The following AFF3 variants were observed in gnomAD, a reference collection of about 807,000 sequenced individuals.
The protein encoded by AFF3 is AF4/FMR2 family member 3.
AFF3 carries 32 observed loss-of-function variants against 129.7 expected under a neutral mutation model. The observed-to-expected ratio is 0.25, with a 90% CI of 0.19 to 0.33. The LOEUF (loss-of-function observed/expected upper bound fraction) is 0.33. AFF3 is among the 10% of genes least tolerant of loss of function. The pLI, the probability that AFF3 is intolerant of heterozygous loss-of-function variation, is 1.00. For synonymous variants in AFF3, 644 were observed against 635.4 expected, an observed-to-expected ratio of 1.01 and a Z score of -0.20; for missense variants, 1,373 against 1,592.0, an observed-to-expected ratio of 0.86 and a Z score of 2.34.
chr2:99,947,645 T>TAGACAGACAGACAGAC (rs1462200103), intron 7 of AFF3, among the ~76,000 whole-genome samples: 31 of 134,576 alleles, frequency 2.3e-4, no homozygotes, highest in African/African-American at 4.3e-4. Flanking sequence ...GATAGATAGA[T>TAGACAGACAGACAGAC]AGATAGATAG....
intron 8 of AFF3, among the ~76,000 whole-genome samples, chr2:99,835,910 G>A (rs1346790396): frequency 6.6e-6 from 1 of 152,160 alleles, no homozygotes; most frequent in Admixed American, 6.5e-5. Context: ...GGGGCGAGAG[G>A]GGCATGAGGC....
intron 11 of AFF3, among the ~76,000 whole-genome samples, chr2:99,685,957 G>A (rs1222265918): frequency 6.6e-6 from 1 of 152,012 alleles, no homozygotes; most frequent in Non-Finnish European, 1.5e-5. Context: ...GGGAGGCGGA[G>A]GCGGGCGGAT....
intron 14 of AFF3, among the ~76,000 whole-genome samples, chr2:99,597,061 A>T (rs1679358709): frequency 6.6e-6 from 1 of 152,206 alleles, no homozygotes; most frequent in Admixed American, 6.5e-5. Context: ...ATCTTTACAG[A>T]TAAGAAAGGT....
intron 11 of AFF3, among the ~76,000 whole-genome samples, chr2:99,693,328 C>T (rs923761423): frequency 2.0e-5 from 3 of 152,008 alleles, no homozygotes; most frequent in South Asian, 2.1e-4. Context: ...TTCTTGTGTA[C>T]GTTTAATCAG....
rs1014414955 is a variant in AFF3 at position 99,891,762 on chromosome 2, T to C, written c.874-54238A>G. On this transcript the variant is annotated intron_variant, in intron 7 of 24. Coordinates refer to ENST00000672756, the MANE Select transcript of AFF3 (RefSeq NM_001386135.1). ...GCTTTTCCCAGGGTCCCACAGCTCA[T>C]AGTTGGTAGAGCCAGGATTATCTCC... Among the ~76,000 whole-genome samples, 44 of 152,170 alleles carry C rather than the reference T, an allele frequency of 2.9e-4. 1 individual carries two copies. The highest frequency in any genetic ancestry group is 1.3e-4 in the Non-Finnish European group (9 of 68,008).
At chr2:99,817,670 T>C (rs1687347668) in intron 8 of AFF3, among the ~76,000 whole-genome samples, 2 of 152,180 alleles carry the variant, frequency 1.3e-5, no homozygotes, top group Non-Finnish European at 1.5e-5. Context: ...TACAGGTGCA[T>C]GCCACGGTGC....
chr2:99,896,563 G>A (rs1163819266), intron 7 of AFF3, among the ~76,000 whole-genome samples: 4 of 137,674 alleles, frequency 2.9e-5, no homozygotes, highest in East Asian at 2.4e-4. Flanking sequence ...TAAGTGAAAT[G>A]ACTCTAAATT....
chr2:100,140,838 T>A (rs1013128081), intron 1 of AFF3, among the ~76,000 whole-genome samples: 1 of 152,074 alleles, frequency 6.6e-6, no homozygotes, highest in Non-Finnish European at 1.5e-5. Context: ...GTAGCTACAG[T>A]GTAAGGACTG....
At chr2:100,105,956 G>A (rs1280517073) in intron 2 of AFF3, 2 of 1,327,678 alleles carry the variant, frequency 1.5e-6, no homozygotes, top group Non-Finnish European at 2.0e-6. Context: ...CGCTGACTGG[G>A]GCTGCCAGAA....
chr2:99,612,358 A>T (rs1368536250), intron 13 of AFF3, among the ~76,000 whole-genome samples: 1 of 152,210 alleles, frequency 6.6e-6, no homozygotes, highest in Non-Finnish European at 1.5e-5. Context: ...CACCTAGTCA[A>T]ATTAGGCATT....
At chr2:100,009,656 A>T (rs1682330266) in intron 4 of AFF3, among the ~76,000 whole-genome samples, 1 of 152,200 alleles carries the variant, frequency 6.6e-6, no homozygotes, top group African/African-American at 2.4e-5. Flanking sequence ...TTCTCTCAAA[A>T]TACAATTATG....
At chr2:99,571,928 G>A (rs1167192316) in intron 18 of AFF3, among the ~76,000 whole-genome samples, 2 of 152,076 alleles carry the variant, frequency 1.3e-5, no homozygotes, top group Admixed American at 6.5e-5. Context: ...ATATAATACA[G>A]CAAAGGTACT....
intron 7 of AFF3, among the ~76,000 whole-genome samples, chr2:99,924,814 C>A (rs1576358814): frequency 1.3e-5 from 2 of 152,098 alleles, no homozygotes; most frequent in East Asian, 1.9e-4. Flanking sequence ...ACATATAGAA[C>A]CCAAAATGCT....
intron 7 of AFF3, among the ~76,000 whole-genome samples, chr2:99,928,586 A>C (rs964000906): frequency 6.6e-6 from 1 of 152,182 alleles, no homozygotes; most frequent in Non-Finnish European, 1.5e-5. Context: ...ACTCCTTCAA[A>C]AGTTCAGTAA....
intron 13 of AFF3, among the ~76,000 whole-genome samples, chr2:99,627,697 GT>G (rs1682729458): frequency 1.3e-5 from 2 of 152,122 alleles, no homozygotes; most frequent in African/African-American, 4.8e-5. Flanking sequence ...GGTTTTTATA[GT>G]TTTGGGGTTT....
chr2:99,787,259 C>T lies in AFF3; in HGVS notation c.922-34958G>A, dbSNP rs116576181. Among the ~76,000 whole-genome samples the T allele has an allele frequency of 4.2e-3, 642 of 152,170 alleles. 3 individuals carry two copies. The highest frequency in any genetic ancestry group is 7.1e-3 in the South Asian group (34 of 4,812). On this transcript the variant is annotated intron_variant, in intron 8 of 24. Transcript: ENST00000672756. ...ATAATTAGCAAACCACCCGCAAACT[C>T]GACTCTTTAAATCAGAGGCCAGTGA...
chr2:99,717,689 A>AC (rs1248820081), intron 11 of AFF3, among the ~76,000 whole-genome samples: 2 of 152,216 alleles, frequency 1.3e-5, no homozygotes, highest in East Asian at 3.8e-4. Flanking sequence ...TTTGATGAGC[A>AC]GTTATCTTTA....
At chr2:100,028,087 C>G (rs1410573906) in intron 4 of AFF3, among the ~76,000 whole-genome samples, 2 of 152,146 alleles carry the variant, frequency 1.3e-5, no homozygotes, top group Middle Eastern at 6.8e-3. Flanking sequence ...CAAGGTGAAA[C>G]CATTTTTACC....
chr2:99,747,627 A>T (rs1458483563), intron 9 of AFF3, among the ~76,000 whole-genome samples: 1 of 152,150 alleles, frequency 6.6e-6, no homozygotes, highest in Admixed American at 6.5e-5. Flanking sequence ...GTAAACTTTA[A>T]ATTTTAACTA....
Sources: allele counts gnomAD v4.1 joint callset (sites outside exome capture counted in the v4.1 genomes callset), GRCh38; gene constraint gnomAD v4.1.1; transcripts MANE v1.5; gene names NCBI Gene and HGNC (gene_info 2026-07-23, HGNC 2026-07-21).